Variants in RBFOX1 observed in about 807,000 individuals in gnomAD.
The protein encoded by RBFOX1 is RNA binding protein fox-1 homolog 1.
In RBFOX1, 8 loss-of-function variants were observed where a neutral mutation model predicts 57.7. The ratio of observed to expected loss-of-function variants is 0.14; its 90% CI spans 0.08 to 0.25. RBFOX1 has a LOEUF of 0.25. Among genes scored for constraint, RBFOX1 ranks in the 10% least tolerant of loss-of-function variants. The pLI is 1.00. For synonymous variants in RBFOX1, 326 were observed against 222.4 expected, an observed-to-expected ratio of 1.47 and a Z score of -4.15; for missense variants, 611 against 548.5, an observed-to-expected ratio of 1.11 and a Z score of -1.14.
chr16:6,508,683 C>CCATCCTTTG (rs1567493282), intron 2 of RBFOX1, among the ~76,000 whole-genome samples: 1 of 152,076 alleles, frequency 6.6e-6, no homozygotes, highest in African/African-American at 2.4e-5. Flanking sequence ...CAAGGTCATT[C>CCATCCTTTG]CATCCTTTGC....
intron 14 of RBFOX1, among the ~76,000 whole-genome samples, chr16:7,704,638 T>A (rs888821808): frequency 2.0e-5 from 3 of 152,296 alleles, no homozygotes; most frequent in Middle Eastern, 3.4e-3. Context: ...CCAGCCTCCA[T>A]GGAGTTCTCG....
At chr16:7,496,022 G>T (rs144492125) in intron 4 of RBFOX1, among the ~76,000 whole-genome samples, 1 of 152,302 alleles carries the variant, frequency 6.6e-6, no homozygotes, top group Non-Finnish European at 1.5e-5. Flanking sequence ...ACGTTCCAGA[G>T]AGATCCTACA....
intron 4 of RBFOX1, among the ~76,000 whole-genome samples, chr16:7,412,307 C>T (rs1375032487): frequency 4.0e-5 from 6 of 150,436 alleles, no homozygotes; most frequent in African/African-American, 9.8e-5. Flanking sequence ...CTCAGCTCCT[C>T]ATGAGGCTGA....
At chr16:6,298,592 A>T (rs2078419327) in intron 1 of RBFOX1, among the ~76,000 whole-genome samples, 1 of 152,114 alleles carries the variant, frequency 6.6e-6, no homozygotes, top group Non-Finnish European at 1.5e-5. Flanking sequence ...GCAGATCCTA[A>T]TGGGTTCAGT....
intron 3 of RBFOX1, among the ~76,000 whole-genome samples, chr16:7,004,658 C>T (rs1222999147): frequency 6.6e-6 from 1 of 152,122 alleles, no homozygotes; most frequent in Non-Finnish European, 1.5e-5. Flanking sequence ...ATTGTCTGGG[C>T]ATTTTTTCTA....
chr16:6,242,514 C>T (rs2097545048), intron 1 of RBFOX1, among the ~76,000 whole-genome samples: 1 of 151,782 alleles, frequency 6.6e-6, no homozygotes, highest in South Asian at 2.1e-4. Flanking sequence ...CAGGTATGAG[C>T]TACAGCGCCT....
chr16:6,448,162 T>C (rs1162040249), intron 2 of RBFOX1, among the ~76,000 whole-genome samples: 4 of 132,610 alleles, frequency 3.0e-5, no homozygotes, highest in Middle Eastern at 3.7e-3. Context: ...CTTTCTTTTT[T>C]TTTTTTTTTT....
At chr16:6,244,516 T>G (rs943793801) in intron 1 of RBFOX1, among the ~76,000 whole-genome samples, 4 of 152,166 alleles carry the variant, frequency 2.6e-5, no homozygotes, top group African/African-American at 7.2e-5. Context: ...ACTTTTTTGT[T>G]TTTTTGAGAT....
intron 2 of RBFOX1, among the ~76,000 whole-genome samples, chr16:6,340,776 A>C (rs183281190): frequency 6.6e-6 from 1 of 152,072 alleles, no homozygotes; most frequent in South Asian, 2.1e-4. Context: ...ATTCCTTACT[A>C]TCTGGGAATG....
intron 1 of RBFOX1, among the ~76,000 whole-genome samples, chr16:5,281,690 T>G (rs2063275049): frequency 6.6e-6 from 1 of 152,364 alleles, no homozygotes; most frequent in Admixed American, 6.5e-5. Context: ...ACCTTCTTTG[T>G]CCTTTTTACA....
chr16:5,787,730 C>A (rs11076971), intron 3 of RBFOX1, among the ~76,000 whole-genome samples: 50,880 of 151,984 alleles, frequency 0.33, 9,385 homozygotes, highest in East Asian at 0.54. Flanking sequence ...CACCACCAGC[C>A]AAGGGGGTCA....
Position 6,126,677 on chromosome 16 carries a change from G to T in RBFOX1, c.-127+106685G>T, listed in dbSNP as rs151326839. ...ATTCTGGGGGTCTGGCTCCTCCCCT[G>T]GTTTTCACTAGAGCAGGTTTTGTTC... On this transcript the variant is annotated intron_variant, in intron 1 of 15. Coordinates refer to ENST00000550418, the MANE Select transcript of RBFOX1 (RefSeq NM_018723.4). 8.7e-4 allele frequency among the ~76,000 whole-genome samples: 133 copies of T among 152,148 alleles called. No individual in the cohort carries two copies. The Middle Eastern group carries it at 0.024, about 27-fold the overall frequency.
chr16:6,114,063 C>A (rs1452147676), intron 1 of RBFOX1, among the ~76,000 whole-genome samples: 1 of 152,176 alleles, frequency 6.6e-6, no homozygotes, highest in Non-Finnish European at 1.5e-5. Flanking sequence ...TCCTAGTTGT[C>A]AATCTCTAGA....
intron 4 of RBFOX1, among the ~76,000 whole-genome samples, chr16:7,085,721 G>A (rs1031221745): frequency 3.3e-5 from 5 of 152,134 alleles, no homozygotes; most frequent in Admixed American, 6.5e-5. Flanking sequence ...CTCTGTCACC[G>A]GAAACCATAA....
intron 4 of RBFOX1, among the ~76,000 whole-genome samples, chr16:7,273,252 T>TCCTTCCTTCCTTCCTTCCTTCCTTCCTC (rs1567986194): frequency 1.0e-5 from 1 of 96,494 alleles, no homozygotes. Flanking sequence ...CTTCCTTCCT[T>TCCTTCCTTCCTTCCTTCCTTCCTTCCTC]CCTTCCTTCC....
intron 4 of RBFOX1, among the ~76,000 whole-genome samples, chr16:7,373,463 A>G (rs1257009366): frequency 6.6e-6 from 1 of 152,138 alleles, no homozygotes; most frequent in Admixed American, 6.5e-5. Flanking sequence ...CCACTAAGTG[A>G]TGTCCGTTCT....
At chr16:5,412,162 C>T (rs1437310049) in intron 1 of RBFOX1, among the ~76,000 whole-genome samples, 4 of 151,730 alleles carry the variant, frequency 2.6e-5, no homozygotes, top group Non-Finnish European at 5.9e-5. Context: ...GGTTCTGGAC[C>T]CACACAGACC....
chr16:6,884,365 C>CA (rs1377561181), intron 3 of RBFOX1, among the ~76,000 whole-genome samples: 1 of 152,188 alleles, frequency 6.6e-6, no homozygotes, highest in Non-Finnish European at 1.5e-5. Flanking sequence ...CACTTGACAA[C>CA]AGTTGCTCTG....
intron 3 of RBFOX1, among the ~76,000 whole-genome samples, chr16:6,936,608 C>G (rs567020801): frequency 7.9e-5 from 12 of 152,134 alleles, no homozygotes; most frequent in East Asian, 1.9e-4. Context: ...CTTGACATCC[C>G]TATAAAATAT....
Sources: gnomAD v4.1 joint callset for allele counts (sites outside exome capture counted in the v4.1 genomes callset) on GRCh38, gnomAD v4.1.1 for gene constraint, MANE v1.5 for transcripts, NCBI Gene and HGNC (gene_info 2026-07-23, HGNC 2026-07-21) for gene names.